Variants in TRPM4 observed in about 807,000 individuals in gnomAD.
TRPM4 encodes the protein calcium-activated non-selective cation channel 1.
A neutral mutation model predicts 135.6 loss-of-function variants in TRPM4; 124 were observed. That is an observed-to-expected ratio of 0.91 (90% CI 0.79 to 1.06). TRPM4 has a LOEUF of 1.06. Ranked by LOEUF, TRPM4 falls within the 50% of genes least tolerant of loss-of-function variation. TRPM4 has a pLI of 0.00. For synonymous variants in TRPM4, 745 were observed against 705.6 expected (o/e 1.06, Z -0.88); for missense variants, 1,658 against 1,671.4 (o/e 0.99, Z 0.14).
intron 3 of TRPM4, among the ~76,000 whole-genome samples, chr19:49,166,974 G>T (rs1333395680): frequency 6.9e-6 from 1 of 144,512 alleles, no homozygotes; most frequent in Admixed American, 6.9e-5. Flanking sequence ...CTGGGTCTCT[G>T]TCCTTGTCTC....
intron 11 of TRPM4, 34 bp downstream of exon 11, chr19:49,182,956 C>T: frequency 6.3e-7 from 1 of 1,582,586 alleles, no homozygotes; most frequent in African/African-American, 1.3e-5. Flanking sequence ...GGCCCCCCCG[C>T]GCGGGAAGGA....
intron 13 of TRPM4, 28 bp downstream of exon 13, chr19:49,188,798 G>A: frequency 6.2e-7 from 1 of 1,613,566 alleles, no homozygotes; most frequent in Admixed American, 1.7e-5. Context: ...CCTGGGAGCA[G>A]GGACGGGGGC....
rs746763684 is a variant in TRPM4, at chr19:49,195,869, T to TTTATTATTATTATTATTATTA, written c.2211-568_2211-548dup. On this transcript the variant is annotated intron_variant, in intron 16 of 24. Transcript: ENST00000252826. ...TGGCTAAATTTTTATTTTTATTTAT[T>TTTATTATTATTATTATTATTA]TTATTATTATTATTATTATTATTTT... is the stretch of plus-strand genomic sequence containing the variant. Among the ~76,000 whole-genome samples the TTTATTATTATTATTATTATTA allele has an allele frequency of 4.7e-3, 693 of 148,816 alleles. 6 individuals are homozygous for TTTATTATTATTATTATTATTA. The highest frequency in any genetic ancestry group is 0.016 in the African/African-American group (649 of 40,310).
At chr19:49,209,743 C>CTG in intron 20 of TRPM4, among the ~76,000 whole-genome samples, 1 of 105,854 alleles carries the variant, frequency 9.4e-6, no homozygotes, top group African/African-American at 3.8e-5. Context: ...TCTAAACTGA[C>CTG]TTTTTTTTTT....
Position 49,168,583 on chromosome 19 carries a change from G to C in TRPM4, c.643G>C (p.Gly215Arg). ...GTTCCCTGCGAGGTACCGGTGGCGC[G>C]GTGACCCGGAGGACGGGGTCCAGTT... is the stretch of plus-strand genomic sequence containing the variant. ...GSFPARYRWRGDPEDGVQFPL... is the reference protein window; with the variant it reads ...GSFPARYRWRRDPEDGVQFPL... Residue 215 changes from glycine to arginine, a missense_variant, in exon 6 of 25, where the codon GGT (glycine) becomes CGT (arginine). Physicochemically the swap from Gly to Arg is moderately radical, Grantham distance 125 (BLOSUM62 -2). This residue lies in a region of TRPM4 where 1,412 missense variants were observed against 1,408.7 expected (regional missense o/e 1.00). Coordinates refer to ENST00000252826, the MANE Select transcript of TRPM4 (RefSeq NM_017636.4). 1.2e-6 allele frequency: 2 copies of C among 1,613,762 alleles called. No individual in the cohort carries two copies. The highest frequency in any genetic ancestry group is 1.7e-6 in the Non-Finnish European group (2 of 1,180,004).
intron 10 of TRPM4, among the ~76,000 whole-genome samples, chr19:49,182,223 TCC>T (rs1967979072): frequency 2.7e-5 from 4 of 147,328 alleles, no homozygotes; most frequent in African/African-American, 5.2e-5. Flanking sequence ...CATTCATCCA[TCC>T]ATCCATCCAT....
At chr19:49,189,630 C>T (rs1968336769) in intron 14 of TRPM4, among the ~76,000 whole-genome samples, 1 of 151,936 alleles carries the variant, frequency 6.6e-6, no homozygotes. Flanking sequence ...GCCCTACTTG[C>T]TCCCACAGTC....
Position 49,196,756 on chromosome 19 carries a change from G to T in TRPM4, c.2527G>T (p.Gly843Trp). 6.5e-7 allele frequency: 1 copy of T among 1,549,582 alleles called. No individual in the cohort carries two copies. Among genetic ancestry groups the T allele is most frequent in the Non-Finnish European group, 8.7e-7 (1 of 1,154,258 alleles). Residue 843 changes from glycine (G) to tryptophan (W), a missense_variant, in exon 17 of 25, where the codon GGG (glycine) becomes TGG (tryptophan). Gly to Trp is a radical substitution (Grantham distance 184). Coordinates refer to ENST00000252826, the MANE Select transcript of TRPM4 (RefSeq NM_017636.4). Reference sequence around the variant, plus strand: ...CGGAGGCGGGGGCAGCCTCGCCAGCGGGGGCCCCGGGCCTGGCCATGCCTC... The same window carrying T: ...CGGAGGCGGGGGCAGCCTCGCCAGCTGGGGCCCCGGGCCTGGCCATGCCTC... ...LSGGGGSLAS[G>W]GPGPGHASLS...
chr19:49,187,719 T>G (rs913071481), intron 12 of TRPM4, among the ~76,000 whole-genome samples: 1 of 152,108 alleles, frequency 6.6e-6, no homozygotes, highest in South Asian at 2.1e-4. Context: ...GAGACCTCAG[T>G]TTTATTATCA....
chr19:49,172,958 A>G (rs897725940), intron 9 of TRPM4, among the ~76,000 whole-genome samples: 19 of 147,492 alleles, frequency 1.3e-4, no homozygotes, highest in Non-Finnish European at 2.7e-4. Flanking sequence ...AATTCCATCC[A>G]CTTATTGTTC....
At position 49,171,149 on chromosome 19, in the gene TRPM4, T is replaced by G. The variant is rs574006046; in HGVS notation, c.797-208T>G. ...GGGAGGATTGCTTGAGGCCAGGAGT[T>G]CGAGACCACCCTGGCCAACATAGCA... On this transcript the variant is annotated intron_variant, in intron 6 of 24. Transcript: ENST00000252826. The surrounding 1 kb of genome is among the most constrained non-coding windows in gnomAD (Gnocchi z 4.7). 5.9e-5 allele frequency among the ~76,000 whole-genome samples: 9 copies of G among 152,270 alleles called. No homozygotes were observed. The highest frequency in any genetic ancestry group is 3.9e-4 in the Admixed American group (6 of 15,286).
At chr19:49,184,549 C>T (rs538408069) in intron 12 of TRPM4, among the ~76,000 whole-genome samples, 1 of 145,916 alleles carries the variant, frequency 6.9e-6, no homozygotes, top group Admixed American at 7.0e-5. Context: ...CAAGCTCTGC[C>T]TCCTGGGTTC....
In TRPM4 at chr19:49,210,606, G is replaced by A; in HGVS notation, c.3329-104G>A. On this transcript the variant is annotated intron_variant, in intron 21 of 24. Transcript: ENST00000252826. The surrounding 1 kb of genome is among the most constrained non-coding windows in gnomAD (Gnocchi z 4.1). ...GCGGGGCATGTTCTCGAATCACCAG[G>A]GGCTGGGTCTGGGATAGCGTGCGTG... 1 of 1,571,150 alleles carries A rather than the reference G, an allele frequency of 6.4e-7. No individual in the cohort carries two copies.
intron 15 of TRPM4, 22 bp from the exon 16 acceptor site, chr19:49,190,674 T>C (rs1968377577): frequency 6.2e-7 from 1 of 1,613,300 alleles, no homozygotes; most frequent in Non-Finnish European, 8.5e-7. Flanking sequence ...CATTTCTTGC[T>C]CTGTGCTTCC....
rs558692352 is a variant in TRPM4, at chr19:49,179,009, C to T, written c.1151-2340C>T. Among the ~76,000 whole-genome samples the T allele has an allele frequency of 2.0e-5, 3 of 151,784 alleles. 1 individual carries two copies. Among genetic ancestry groups the T allele is most frequent in the East Asian group, 2.0e-4 (1 of 5,112 alleles). ...TCTTGACCTCATGATCCACCCATCT[C>T]GGCCTCCCAAAGTGCTGGGATTACA... On this transcript the variant is annotated intron_variant, in intron 9 of 24. Coordinates refer to ENST00000252826, the MANE Select transcript of TRPM4 (RefSeq NM_017636.4).
chr19:49,164,364 G>GTTTTTTTTTT lies in TRPM4; in HGVS notation c.93-1652_93-1643dup. Among the ~76,000 whole-genome samples, 56 of 16,266 alleles carry GTTTTTTTTTT rather than the reference G, an allele frequency of 3.4e-3. 11 individuals are homozygous for GTTTTTTTTTT. Among genetic ancestry groups the GTTTTTTTTTT allele is most frequent in the East Asian group, 7.1e-3 (4 of 566 alleles). 10.7% of individuals were successfully genotyped at this position (16,266 alleles called of 152,430 possible). A position where few individuals can be genotyped will look rare whatever the true frequency, so the allele number is the denominator to read the frequency against. ...CCTCCCTCCTTCCTTTCTTTCCTTAGTTTTTTTTTTTTTTTTTTTTTTTTT... is the reference window on the plus strand; with the variant it reads ...CCTCCCTCCTTCCTTTCTTTCCTTAGTTTTTTTTTTTTTTTTTTTTTTTTTTTTTTTTTTT... On this transcript the variant is annotated intron_variant, in intron 2 of 24. Coordinates refer to ENST00000252826, the MANE Select transcript of TRPM4 (RefSeq NM_017636.4).
intron 17 of TRPM4, among the ~76,000 whole-genome samples, chr19:49,199,097 T>C (rs1394302446): frequency 6.6e-6 from 1 of 151,870 alleles, no homozygotes; most frequent in Non-Finnish European, 1.5e-5. Context: ...CTCTAAAATG[T>C]AGCTCTCAAT....
intron 9 of TRPM4, among the ~76,000 whole-genome samples, chr19:49,175,902 C>T (rs1967671476): frequency 6.8e-6 from 1 of 146,084 alleles, no homozygotes; most frequent in African/African-American, 2.5e-5. Flanking sequence ...GCTGGGATTA[C>T]AGGCGTGAGC....
intron 16 of TRPM4, among the ~76,000 whole-genome samples, chr19:49,192,226 T>C (rs1284614996): frequency 6.6e-6 from 1 of 152,198 alleles, no homozygotes; most frequent in Non-Finnish European, 1.5e-5. Flanking sequence ...CACTGCAACC[T>C]CCGCCTCCTG....
Sources: gnomAD v4.1 joint callset for allele counts (sites outside exome capture counted in the v4.1 genomes callset) on GRCh38, gnomAD v4.1.1 for gene constraint, gnomAD v4.1.1 regional missense constraint, Gnocchi (gnomAD v3.1) non-coding constraint, MANE v1.5 for transcripts, NCBI Gene and HGNC (gene_info 2026-07-23, HGNC 2026-07-21) for gene names.